Variants in ADD3 observed in about 807,000 individuals in gnomAD.
ADD3 encodes adducin 3.
In ADD3, 25 loss-of-function variants were observed where a neutral mutation model predicts 80.2. The ratio of observed to expected loss-of-function variants is 0.31; its 90% CI spans 0.23 to 0.44. The LOEUF is 0.44. ADD3 is among the 20% of genes least tolerant of loss of function. The pLI is 1.00. For missense variants in ADD3, 829 were observed against 847.5 expected (o/e 0.98, Z 0.27); for synonymous variants, 284 against 289.6 (o/e 0.98, Z 0.20).
At chr10:110,037,060 G>A (rs1329152492) in intron 1 of ADD3, among the ~76,000 whole-genome samples, 2 of 152,136 alleles carry the variant, frequency 1.3e-5, no homozygotes, top group African/African-American at 2.4e-5. Flanking sequence ...GGAGGACTAG[G>A]TATATCATAA....
At position 110,133,671 on chromosome 10, in the gene ADD3, T is replaced by A; in HGVS notation, c.*53T>A. 1 of 1,398,646 alleles carries A rather than the reference T, an allele frequency of 7.1e-7. No homozygotes were observed. The allele number at this position is 1,398,646 out of a possible 1,614,324, so 86.6% of individuals were successfully genotyped here. A position where few individuals can be genotyped will look rare whatever the true frequency, so the allele number is the denominator to read the frequency against. ...AACAATGTGACATTGCACATCTAAA[T>A]ACCACATTTAAGTTGATCATTAATA... On this transcript the variant is annotated 3_prime_UTR_variant, in exon 15 of 15. Transcript: ENST00000356080.
intron 1 of ADD3, among the ~76,000 whole-genome samples, chr10:110,068,315 G>A (rs889659433): frequency 1.3e-5 from 2 of 152,078 alleles, no homozygotes; most frequent in Admixed American, 1.3e-4. Flanking sequence ...TGAATCTTCT[G>A]AGGAAGTTAC....
At chr10:109,996,774 C>T (rs1252839899) in intron 1 of ADD3, among the ~76,000 whole-genome samples, 2 of 152,146 alleles carry the variant, frequency 1.3e-5, no homozygotes, top group African/African-American at 4.8e-5. Flanking sequence ...AGACAGTTTG[C>T]AGCAAGGTAT....
chr10:110,023,285 C>A (rs567015482), intron 1 of ADD3, among the ~76,000 whole-genome samples: 1 of 152,182 alleles, frequency 6.6e-6, no homozygotes. Flanking sequence ...CATGTGATGA[C>A]AAGCAAGATG....
intron 1 of ADD3, among the ~76,000 whole-genome samples, chr10:110,036,319 C>T (rs1163199956): frequency 6.6e-6 from 1 of 151,596 alleles, no homozygotes; most frequent in Admixed American, 6.6e-5. Flanking sequence ...ATTGTTCATA[C>T]CTTCTCCAAG....
At chr10:110,123,322 A>G (rs1219080918) in intron 9 of ADD3, among the ~76,000 whole-genome samples, 8 of 152,224 alleles carry the variant, frequency 5.3e-5, no homozygotes, top group Non-Finnish European at 5.9e-5. Context: ...ATACTAATTT[A>G]CATTGCTACC....
intron 1 of ADD3, among the ~76,000 whole-genome samples, chr10:110,046,574 A>G (rs886343238): frequency 6.6e-6 from 1 of 152,182 alleles, no homozygotes; most frequent in Non-Finnish European, 1.5e-5. Flanking sequence ...GAATGTACAT[A>G]AATGTATAGG....
At chr10:110,132,155 T>C in intron 13 of ADD3, 150 bp from the exon 14 acceptor site, 1 of 569,812 alleles carries the variant, frequency 1.8e-6, no homozygotes, top group Non-Finnish European at 3.1e-6. Flanking sequence ...ATTATGGATA[T>C]ATGGGATAAC....
At chr10:110,105,822 T>A (rs1230210108) in intron 2 of ADD3, among the ~76,000 whole-genome samples, 1 of 152,216 alleles carries the variant, frequency 6.6e-6, no homozygotes, top group Admixed American at 6.5e-5. Context: ...ATCACCATGA[T>A]CTGTGGTCAG....
chr10:110,061,666 A>G (rs1471324480), intron 1 of ADD3, among the ~76,000 whole-genome samples: 2 of 152,122 alleles, frequency 1.3e-5, no homozygotes, highest in East Asian at 1.9e-4. Flanking sequence ...TTTCTTTTGT[A>G]TTGCTGTATT....
intron 1 of ADD3, among the ~76,000 whole-genome samples, chr10:110,018,171 G>A (rs1853220429): frequency 1.3e-5 from 2 of 152,194 alleles, no homozygotes; most frequent in Admixed American, 1.3e-4. Flanking sequence ...TTGCCAGTGT[G>A]TGTGATGAAT....
intron 1 of ADD3, among the ~76,000 whole-genome samples, chr10:110,059,628 G>A (rs1858633495): frequency 6.6e-6 from 1 of 152,028 alleles, no homozygotes; most frequent in Non-Finnish European, 1.5e-5. Flanking sequence ...AATTAGCCGG[G>A]CGTGGTGGCT....
chr10:110,045,127 G>T (rs1385993205), intron 1 of ADD3, among the ~76,000 whole-genome samples: 2 of 152,194 alleles, frequency 1.3e-5, no homozygotes, highest in African/African-American at 4.8e-5. Context: ...GGCCAAGGTG[G>T]GGTGGATCAC....
chr10:110,100,919 C>T (rs1469945322), intron 2 of ADD3, 71 bp downstream of exon 2: 8 of 1,381,196 alleles, frequency 5.8e-6, no homozygotes, highest in East Asian at 2.6e-5. Context: ...TAGAAGTTTT[C>T]TCAAACTACC....
chr10:110,075,273 T>C (rs976702417), intron 1 of ADD3, among the ~76,000 whole-genome samples: 1 of 152,224 alleles, frequency 6.6e-6, no homozygotes, highest in Non-Finnish European at 1.5e-5. Flanking sequence ...AAGGGTGATA[T>C]TCAGAAGGGA....
chr10:110,060,227 GTTCAT>G (rs1265232794), intron 1 of ADD3, among the ~76,000 whole-genome samples: 1 of 152,124 alleles, frequency 6.6e-6, no homozygotes, highest in Non-Finnish European at 1.5e-5. Context: ...TTTCCCTCCT[GTTCAT>G]TTCGTTTTTC....
At chr10:110,109,369 C>G (rs1023319169) in intron 2 of ADD3, among the ~76,000 whole-genome samples, 7 of 152,188 alleles carry the variant, frequency 4.6e-5, no homozygotes, top group African/African-American at 1.4e-4. Context: ...GTATCTTAAC[C>G]TCATTCCTGG....
At chr10:110,125,615 G>T (rs990412696) in intron 10 of ADD3, 8 of 331,258 alleles carry the variant, frequency 2.4e-5, no homozygotes, top group Admixed American at 4.6e-5. Context: ...ATATTTATGT[G>T]AATCGTAATG....
intron 1 of ADD3, among the ~76,000 whole-genome samples, chr10:110,036,685 T>A (rs113245186): frequency 0.025 from 3,811 of 152,172 alleles, 100 homozygotes; most frequent in South Asian, 0.13. Context: ...TTTTTTTTTT[T>A]AAATGATCAC....
Sources: allele counts gnomAD v4.1 joint callset (sites outside exome capture counted in the v4.1 genomes callset), GRCh38; gene constraint gnomAD v4.1.1; transcripts MANE v1.5; gene names NCBI Gene and HGNC (gene_info 2026-07-23, HGNC 2026-07-21).